RALGPS1: variants seen among roughly 807,000 people sequenced by gnomAD.
RALGPS1 encodes the protein Ral GEF with PH domain and SH3 binding motif 1.
Under a neutral mutation model 78.8 loss-of-function variants are expected in RALGPS1, and 19 were observed. The observed-to-expected ratio is 0.24, with a 90% CI of 0.17 to 0.35. The LOEUF (loss-of-function observed/expected upper bound fraction) is 0.35, where lower values mean the gene tolerates loss of function less well. Ranked by LOEUF, RALGPS1 falls within the 10% of genes least tolerant of loss-of-function variation. The pLI is 1.00. For missense variants in RALGPS1, 454 were observed against 688.3 expected (o/e 0.66, Z 3.81); for synonymous variants, 228 against 256.3 (o/e 0.89, Z 1.06).
chr9:127,013,131 C>T (rs2044506856), intron 4 of RALGPS1, among the ~76,000 whole-genome samples: 1 of 152,120 alleles, frequency 6.6e-6, no homozygotes, highest in South Asian at 2.1e-4. Context: ...CCAGGAACAG[C>T]TTGAACACAG....
chr9:127,022,605 A>C (rs2045569513), intron 4 of RALGPS1, among the ~76,000 whole-genome samples: 2 of 146,512 alleles, frequency 1.4e-5, no homozygotes, highest in Non-Finnish European at 1.5e-5. Context: ...TTCTTCTCCC[A>C]CTCCTCCCCA....
At chr9:126,940,151 A>G (rs926704385) in intron 1 of RALGPS1, among the ~76,000 whole-genome samples, 6 of 152,042 alleles carry the variant, frequency 3.9e-5, no homozygotes, top group Non-Finnish European at 7.4e-5. Flanking sequence ...GTCCTGTCAC[A>G]CTTCTTTACC....
At chr9:126,935,734 C>T (rs1393868787) in intron 1 of RALGPS1, among the ~76,000 whole-genome samples, 1 of 152,222 alleles carries the variant, frequency 6.6e-6, no homozygotes, top group Non-Finnish European at 1.5e-5. Context: ...TTCTCACATG[C>T]TCTCTGCTTT....
At chr9:127,156,846 G>A (rs1250269302) in intron 8 of RALGPS1, among the ~76,000 whole-genome samples, 1 of 151,826 alleles carries the variant, frequency 6.6e-6, no homozygotes, top group Non-Finnish European at 1.5e-5. Context: ...TTTTATTCAA[G>A]TACTCGTATT....
chr9:127,044,243 CAT>C (rs2047559963), intron 5 of RALGPS1, among the ~76,000 whole-genome samples: 1 of 152,012 alleles, frequency 6.6e-6, no homozygotes, highest in African/African-American at 2.4e-5. Context: ...CATATAAAGA[CAT>C]GGATGAATCT....
rs1174915477 is a variant in RALGPS1 at position 127,205,543 on chromosome 9, TC to T, written c.1247+6478del. 1.3e-5 allele frequency among the ~76,000 whole-genome samples: 2 copies of T among 152,214 alleles called. No homozygotes were observed. Among genetic ancestry groups the T allele is most frequent in the Non-Finnish European group, 2.9e-5 (2 of 68,040 alleles). The stretch of plus-strand genomic sequence containing the variant: ...GCCCTGCCAGGCAGCTGTTGCTGCT[TC>T]ATGGGTAGCTGGGAAATCTCTGCCC... On this transcript the variant is annotated intron_variant, in intron 14 of 18. Transcript: ENST00000259351. This position sits in a 1 kb window ranked among gnomAD's most constrained non-coding sequence, Gnocchi z 4.0.
chr9:126,984,323 G>C (rs1446607180), intron 4 of RALGPS1, among the ~76,000 whole-genome samples: 1 of 152,080 alleles, frequency 6.6e-6, no homozygotes, highest in Non-Finnish European at 1.5e-5. Context: ...GGCTGGTCTT[G>C]GACTCCTGGC....
chr9:126,991,591 A>T (rs538038222), intron 4 of RALGPS1, among the ~76,000 whole-genome samples: 2 of 152,170 alleles, frequency 1.3e-5, no homozygotes, highest in South Asian at 4.1e-4. Context: ...ACATGATCCC[A>T]GGAAGTTTGG....
intron 11 of RALGPS1, among the ~76,000 whole-genome samples, chr9:127,185,547 G>A (rs1216604075): frequency 6.6e-6 from 1 of 152,252 alleles, no homozygotes; most frequent in Non-Finnish European, 1.5e-5. Flanking sequence ...CAGTGTTAAT[G>A]TGAGGCTTAA....
chr9:127,099,889 C>T (rs1449711910), intron 8 of RALGPS1, among the ~76,000 whole-genome samples: 2 of 152,320 alleles, frequency 1.3e-5, no homozygotes, highest in South Asian at 2.1e-4. Flanking sequence ...AGCCCTCAAA[C>T]GATGGGCATG....
rs139670276 is a variant in RALGPS1 at position 126,958,594 on chromosome 9, C to T, written c.-65-3631C>T. Among the ~76,000 whole-genome samples the T allele has an allele frequency of 5.9e-4, 90 of 152,292 alleles. 3 individuals are homozygous for T. Among genetic ancestry groups the T allele is most frequent in the Admixed American group, 4.6e-3 (70 of 15,294 alleles). On this transcript the variant is annotated intron_variant, in intron 1 of 18. Transcript: ENST00000259351. ...TGTTGGTGAAGTGGCTGTATCAGTGCGTCACCTCTCTGTTTTGCTGGATAG... is the reference window on the plus strand; with the variant it reads ...TGTTGGTGAAGTGGCTGTATCAGTGTGTCACCTCTCTGTTTTGCTGGATAG...
At position 126,965,898 on chromosome 9, in the gene RALGPS1, A is replaced by G; in HGVS notation, c.112A>G (p.Ser38Gly). Residue 38 changes from serine (S) to glycine (G), a missense_variant, in exon 3 of 19, where the codon AGC (serine) becomes GGC (glycine). Transcript: ENST00000259351. ...CCAGAGCTGCGACTATGCCAGCAAGAGCTATGATGCCGTTGTCTTCGATGT... is the reference window on the plus strand; with the variant it reads ...CCAGAGCTGCGACTATGCCAGCAAGGGCTATGATGCCGTTGTCTTCGATGT... ...EGQSCDYASK[S>G]YDAVVFDVLK... is the part of the protein sequence containing the mutation. 6.2e-7 allele frequency: 1 copy of G among 1,614,122 alleles called. No homozygotes were observed. Among genetic ancestry groups the G allele is most frequent in the Non-Finnish European group, 8.5e-7 (1 of 1,179,994 alleles).
intron 4 of RALGPS1, chr9:126,989,803 A>T: frequency 4.7e-6 from 7 of 1,501,972 alleles, no homozygotes; most frequent in Non-Finnish European, 6.2e-6. Context: ...CTCTAGAGGG[A>T]TTCGATTTCA....
chr9:127,029,878 T>A (rs562651314), intron 4 of RALGPS1, among the ~76,000 whole-genome samples: 18 of 152,140 alleles, frequency 1.2e-4, no homozygotes, highest in African/African-American at 3.6e-4. Context: ...GCTAGTGGAG[T>A]GAGCCTCATG....
At chr9:127,100,465 G>A (rs377319501) in intron 8 of RALGPS1, among the ~76,000 whole-genome samples, 2 of 152,154 alleles carry the variant, frequency 1.3e-5, no homozygotes, top group Admixed American at 1.3e-4. Context: ...AGCGCTGTTG[G>A]GCAGGAGGAG....
chr9:126,933,213 A>G (rs1210984395), intron 1 of RALGPS1, among the ~76,000 whole-genome samples: 1 of 152,010 alleles, frequency 6.6e-6, no homozygotes, highest in Non-Finnish European at 1.5e-5. Flanking sequence ...AGAAAGAGGG[A>G]CGGGGCATCA....
intron 14 of RALGPS1, among the ~76,000 whole-genome samples, chr9:127,199,344 G>A (rs2061499499): frequency 6.6e-6 from 1 of 152,220 alleles, no homozygotes; most frequent in Admixed American, 6.5e-5. Context: ...CCTGTGAGTA[G>A]ATTTGGTCCG....
At chr9:126,925,698 C>T (rs911781247) in intron 1 of RALGPS1, among the ~76,000 whole-genome samples, 1 of 152,068 alleles carries the variant, frequency 6.6e-6, no homozygotes, top group African/African-American at 2.4e-5. Context: ...AACATAGACC[C>T]TATCTCTTAA....
chr9:127,215,607 C>T (rs749907041), intron 18 of RALGPS1, among the ~76,000 whole-genome samples: 2 of 152,182 alleles, frequency 1.3e-5, no homozygotes, highest in Non-Finnish European at 2.9e-5. Flanking sequence ...CTGACTCCCC[C>T]GATTGTCTGC....
Sources: allele counts gnomAD v4.1 joint callset (sites outside exome capture counted in the v4.1 genomes callset), GRCh38; gene constraint gnomAD v4.1.1; non-coding constraint Gnocchi (gnomAD v3.1); transcripts MANE v1.5; gene names NCBI Gene and HGNC (gene_info 2026-07-23, HGNC 2026-07-21).